The following FAM220A variants were observed in gnomAD, a reference collection of about 807,000 sequenced individuals.
FAM220A encodes the protein family with sequence similarity 220 member A, also known as protein FAM220A.
For missense variants in FAM220A, 392 were observed against 321.6 expected (o/e 1.22, Z -1.68); for synonymous variants, 141 against 130.7 (o/e 1.08, Z -0.54).
At chr7:6,341,704 A>C (rs924774441) in intron 1 of FAM220A, among the ~76,000 whole-genome samples, 1 of 149,852 alleles carries the variant, frequency 6.7e-6, no homozygotes, top group Non-Finnish European at 1.5e-5. Flanking sequence ...AAAAAAAAAA[A>C]TTATGAGTGC....
At chr7:6,335,750 C>T (rs559020858) in intron 1 of FAM220A, among the ~76,000 whole-genome samples, 4 of 152,136 alleles carry the variant, frequency 2.6e-5, no homozygotes, top group Admixed American at 2.6e-4. Flanking sequence ...TATATTTGAA[C>T]CAGGCCAGGT....
rs1224240351 is a variant in FAM220A, at chr7:6,331,016, T to C, written c.139A>G (p.Met47Val). ...GPWPADAPSW[M>V]NKPVVDGNSQ... ...TTTCCATCAACCACAGGCTTATTCA[T>C]CCAGGAGGGTGCATCTGCAGGCCAA... The change falls in exon 2 of 2, where the codon ATG becomes GTG. Residue 47 changes from methionine (M) to valine (V), a missense_variant. Met to Val is a conservative substitution (Grantham distance 21, BLOSUM62 1). Transcript: ENST00000313324. The C allele has an allele frequency of 1.2e-6, 2 of 1,614,020 alleles. No homozygotes were observed. The highest frequency in any genetic ancestry group is 1.7e-6 in the Non-Finnish European group (2 of 1,180,058).
chr7:6,340,969 A>G (rs1214899194), intron 1 of FAM220A, among the ~76,000 whole-genome samples: 2 of 145,402 alleles, frequency 1.4e-5, no homozygotes, highest in Non-Finnish European at 3.0e-5. Flanking sequence ...CTCTACTAAA[A>G]AAAAAAAAAA....
intron 1 of FAM220A, among the ~76,000 whole-genome samples, chr7:6,346,675 G>A (rs1055079136): frequency 6.6e-6 from 1 of 152,144 alleles, no homozygotes; most frequent in Non-Finnish European, 1.5e-5. Flanking sequence ...GTGAGCTACT[G>A]TGCCCAGCCA....
intron 1 of FAM220A, among the ~76,000 whole-genome samples, chr7:6,336,010 T>G (rs572513286): frequency 6.6e-6 from 1 of 152,006 alleles, no homozygotes; most frequent in African/African-American, 2.4e-5. Context: ...CCGTCTCTAC[T>G]AAAAATACAA....
chr7:6,343,285 G>T (rs1032447937), intron 1 of FAM220A, among the ~76,000 whole-genome samples: 31 of 150,750 alleles, frequency 2.1e-4, no homozygotes, highest in African/African-American at 7.5e-4. Flanking sequence ...GCTGAGGCAG[G>T]AGAATCGCTT....
intron 1 of FAM220A, among the ~76,000 whole-genome samples, chr7:6,345,985 T>C (rs190747099): frequency 6.6e-6 from 1 of 152,146 alleles, no homozygotes; most frequent in African/African-American, 2.4e-5. Context: ...TCCAGGCTGG[T>C]CTTAAACTCC....
intron 1 of FAM220A, among the ~76,000 whole-genome samples, chr7:6,333,070 T>G (rs117569444): frequency 6.6e-6 from 1 of 151,216 alleles, no homozygotes; most frequent in East Asian, 1.9e-4. Context: ...AGCGAGAGAA[T>G]TGCGTGAACC....
At chr7:6,343,805 G>A (rs1413824867) in intron 1 of FAM220A, among the ~76,000 whole-genome samples, 1 of 151,918 alleles carries the variant, frequency 6.6e-6, no homozygotes, top group African/African-American at 2.4e-5. Context: ...AGGGAGGAGG[G>A]GCTCCCTAAA....
intron 1 of FAM220A, among the ~76,000 whole-genome samples, chr7:6,333,772 C>CTTTTTT (rs531956945): frequency 6.4e-5 from 8 of 125,076 alleles, no homozygotes; most frequent in Non-Finnish European, 3.4e-5. Flanking sequence ...GAACAAGTGT[C>CTTTTTT]TTTTTTTTTT....
At chr7:6,337,504 G>A (rs1310013530) in intron 1 of FAM220A, among the ~76,000 whole-genome samples, 1 of 151,766 alleles carries the variant, frequency 6.6e-6, no homozygotes, top group Non-Finnish European at 1.5e-5. Context: ...TTTTTAGTAA[G>A]TCCTTGTACA....
chr7:6,330,713 C>A lies in FAM220A; in HGVS notation c.442G>T (p.Gly148Ter). 6.2e-7 allele frequency: 1 copy of A among 1,614,146 alleles called. No homozygotes were observed. Among genetic ancestry groups the A allele is most frequent in the South Asian group, 1.1e-5 (1 of 91,090 alleles). Reference sequence around the variant, plus strand: ...GGCAGTCGTGACACCCGAGGCTCTCCTTTGGGGCACTGTCCTCTGTGGCCG... The same window carrying A: ...GGCAGTCGTGACACCCGAGGCTCTCATTTGGGGCACTGTCCTCTGTGGCCG... ...TDGHRGQCPKGEPRVSRLPRH... is the reference protein window; with the variant it reads ...TDGHRGQCPK Residue 148 changes from glycine to a stop codon, truncating the protein, a stop_gained, in exon 2 of 2, where the codon GGA becomes TGA. Transcript: ENST00000313324. LOFTEE classifies it low-confidence loss of function (END_TRUNC).
chr7:6,333,894 T>A (rs1448241146), intron 1 of FAM220A, among the ~76,000 whole-genome samples: 2 of 144,370 alleles, frequency 1.4e-5, no homozygotes, highest in Non-Finnish European at 3.0e-5. Flanking sequence ...TTGCCCAGGC[T>A]GGAGTGCAGT....
chr7:6,348,788 G>A lies in FAM220A; in HGVS notation c.-297C>T. On this transcript the variant is annotated 5_prime_UTR_variant, in exon 1 of 2. Transcript: ENST00000313324. ...AGACCGGCGCTCCCACAGCCCCCCCGCCCGCCCTCTCCGCGCCGCGTCGCC... is the reference window on the plus strand; with the variant it reads ...AGACCGGCGCTCCCACAGCCCCCCCACCCGCCCTCTCCGCGCCGCGTCGCC... 7.6e-6 allele frequency: 3 copies of A among 396,910 alleles called. No individual in the cohort carries two copies. The highest frequency in any genetic ancestry group is 1.3e-4 in the South Asian group (1 of 7,858). The allele number at this position is 396,910 out of a possible 1,614,324, so 24.6% of individuals were successfully genotyped here. A position where few individuals can be genotyped will look rare whatever the true frequency, so the allele number is the denominator to read the frequency against.
chr7:6,338,029 C>G (rs543597109), intron 1 of FAM220A, among the ~76,000 whole-genome samples: 81 of 152,180 alleles, frequency 5.3e-4, no homozygotes, highest in African/African-American at 1.8e-3. Flanking sequence ...CTCTCGAACT[C>G]CTGACCTCAG....
At position 6,334,124 on chromosome 7, in the gene FAM220A, G is replaced by A. The variant is rs1410205389; in HGVS notation, c.-81-2889C>T. ...GCCTCCCAAAGTGCTGGGATTACAA[G>A]CGTGAGCCACCGCACCCAGCCGAAC... On this transcript the variant is annotated intron_variant, in intron 1 of 1. Transcript: ENST00000313324. Among the ~76,000 whole-genome samples the A allele has an allele frequency of 2.6e-5, 4 of 151,602 alleles. No individual in the cohort carries two copies. In the South Asian group the frequency reaches 6.3e-4, roughly 24 times the overall value.
At chr7:6,332,641 T>G (rs2115128286) in intron 1 of FAM220A, among the ~76,000 whole-genome samples, 1 of 152,052 alleles carries the variant, frequency 6.6e-6, no homozygotes, top group East Asian at 1.9e-4. Context: ...GAGGTCACAG[T>G]GAGCTGAGAT....
intron 1 of FAM220A, among the ~76,000 whole-genome samples, chr7:6,337,436 C>G (rs1436841124): frequency 6.6e-6 from 1 of 150,732 alleles, no homozygotes; most frequent in Non-Finnish European, 1.5e-5. Context: ...TTTTAATTCT[C>G]AAGAAAAACA....
rs1052580085 is a variant in FAM220A at position 6,339,514 on chromosome 7, C to A, written c.-81-8279G>T. 4.0e-5 allele frequency among the ~76,000 whole-genome samples: 6 copies of A among 151,618 alleles called. No homozygotes were observed. The South Asian group carries it at 1.0e-3, about 26-fold the overall frequency. On this transcript the variant is annotated intron_variant, in intron 1 of 1. Transcript: ENST00000313324. ...TGTTTTTTTTTTTGAGACGGAGTCTCGCTCTGTCGCCCAGGCTGGAGTGCA... is the reference window on the plus strand; with the variant it reads ...TGTTTTTTTTTTTGAGACGGAGTCTAGCTCTGTCGCCCAGGCTGGAGTGCA...
Sources: allele counts gnomAD v4.1 joint callset (sites outside exome capture counted in the v4.1 genomes callset), GRCh38; gene constraint gnomAD v4.1.1; transcripts MANE v1.5; gene names NCBI Gene and HGNC (gene_info 2026-07-23, HGNC 2026-07-21).